The following YIPF2 variants were observed in gnomAD, a reference collection of about 807,000 sequenced individuals.
The protein encoded by YIPF2 is Yip1 domain family member 2.
A neutral mutation model predicts 38.8 loss-of-function variants in YIPF2; 30 were observed. The ratio of observed to expected loss-of-function variants is 0.77; its 90% CI spans 0.58 to 1.05. YIPF2 has a LOEUF of 1.05. YIPF2 is among the 50% of genes least tolerant of loss of function. The pLI, the probability that YIPF2 is intolerant of heterozygous loss-of-function variation, is 0.00. For missense variants in YIPF2, 401 were observed against 409.7 expected (o/e 0.98, Z 0.18); for synonymous variants, 194 against 183.8 (o/e 1.06, Z -0.45).
intron 4 of YIPF2, among the ~76,000 whole-genome samples, chr19:10,926,152 C>T (rs916742159): frequency 4.0e-5 from 6 of 151,714 alleles, no homozygotes; most frequent in African/African-American, 1.5e-4. Context: ...CTCAGGTAAT[C>T]CACCCACCTC....
In YIPF2 at chr19:10,923,149, G is replaced by C; in HGVS notation, c.*45C>G. 1.3e-6 allele frequency: 1 copy of C among 741,810 alleles called. No homozygotes were observed. Among genetic ancestry groups the C allele is most frequent in the South Asian group, 2.1e-5 (1 of 46,692 alleles). The allele number at this position is 741,810 out of a possible 1,614,324, so 46.0% of individuals were successfully genotyped here. The stretch of plus-strand genomic sequence containing the variant: ...CATCGTCTGGGGGGCAGGACAGGCA[G>C]AGGGGTTGGTCCACTTAGGTGTTGC... On this transcript the variant is annotated 3_prime_UTR_variant, in exon 10 of 10. Coordinates refer to ENST00000586748, the MANE Select transcript of YIPF2 (RefSeq NM_001321439.2).
In YIPF2 at chr19:10,927,974, T is replaced by C. The variant is rs1450952341; in HGVS notation, c.32-15A>G. On this transcript the variant is annotated splice_polypyrimidine_tract_variant and intron_variant, in intron 2 of 9. Transcript: ENST00000586748. ...CTCCTCGAATTCTGTGGAGGAGGTA[T>C]ATGGGACACACGCACGTTTGAGGGG... 58 of 1,591,888 alleles carry C rather than the reference T, an allele frequency of 3.6e-5. No homozygotes were observed. In the East Asian group the frequency reaches 1.3e-3, roughly 35 times the overall value.
Position 10,923,601 on chromosome 19 carries a change from A to T in YIPF2, c.728T>A (p.Leu243Gln), listed in dbSNP as rs1429081637. 1 of 1,612,934 alleles carries T rather than the reference A, an allele frequency of 6.2e-7. No homozygotes were observed. Among genetic ancestry groups the T allele is most frequent in the Non-Finnish European group, 8.5e-7 (1 of 1,179,718 alleles). Residue 243 changes from leucine to glutamine, a missense_variant, in exon 8 of 10, where the codon CTG becomes CAG. Coordinates refer to ENST00000586748, the MANE Select transcript of YIPF2 (RefSeq NM_001321439.2). ...GACCACGGGCCAGAGGGTGAATACC[A>T]GCCCGGCGGCTGACAGGCCCAGGGC... ...ALALGLSAAG[L>Q]VFTLWPVVRE...
At chr19:10,927,256 G>A (rs61347911) in intron 4 of YIPF2, among the ~76,000 whole-genome samples, 5,608 of 152,160 alleles carry the variant, frequency 0.037, 461 homozygotes, top group East Asian at 0.36. Flanking sequence ...TGCCCACCTC[G>A]GCCCCCTTAA....
rs149658914 is a variant in YIPF2 at position 10,925,663 on chromosome 19, A to G, written c.367+23T>C. On this transcript the variant is annotated intron_variant, in intron 5 of 9. Coordinates refer to ENST00000586748, the MANE Select transcript of YIPF2 (RefSeq NM_001321439.2). The stretch of plus-strand genomic sequence containing the variant: ...CACTTGTTGAGTGATCCATCAAGGA[A>G]CCAAATGCACAACCTCACTCACCAT... The G allele has an allele frequency of 5.8e-4, 943 of 1,613,658 alleles. 9 individuals carry two copies. The Middle Eastern group carries it at 5.9e-3, about 10-fold the overall frequency.
At chr19:10,925,442 C>T (rs1353796237) in intron 5 of YIPF2, among the ~76,000 whole-genome samples, 1 of 152,074 alleles carries the variant, frequency 6.6e-6, no homozygotes, top group African/African-American at 2.4e-5. Context: ...GGCTCATTCC[C>T]TCACCCTCCT....
Position 10,923,574 on chromosome 19 carries a change from C to A in YIPF2, c.755G>T (p.Arg252Leu), listed in dbSNP as rs576772132. The change falls in exon 8 of 10, where the codon CGT becomes CTT. Residue 252 changes from arginine (R) to leucine (L), a missense_variant. Arg to Leu is a moderately radical substitution (Grantham distance 102). Transcript: ENST00000586748. The part of the protein sequence containing the change: ...GLVFTLWPVV[R>L]EDTRLVATVL... The stretch of plus-strand genomic sequence containing the variant: ...TGTGGCCACCAGCCTGGTGTCCTCA[C>A]GGACCACGGGCCAGAGGGTGAATAC... The A allele has an allele frequency of 6.2e-7, 1 of 1,612,618 alleles. No homozygotes were observed. Among genetic ancestry groups the A allele is most frequent in the African/African-American group, 1.3e-5 (1 of 74,916 alleles).
chr19:10,923,600 C>T lies in YIPF2; in HGVS notation c.729G>A (p.Leu243=). The change falls in exon 8 of 10, where the codon CTG becomes CTA. Residue 243 remains leucine (L), a synonymous_variant. Coordinates refer to ENST00000586748, the MANE Select transcript of YIPF2 (RefSeq NM_001321439.2). ...GGACCACGGGCCAGAGGGTGAATACCAGCCCGGCGGCTGACAGGCCCAGGG... is the reference window on the plus strand; with the variant it reads ...GGACCACGGGCCAGAGGGTGAATACTAGCCCGGCGGCTGACAGGCCCAGGG... ...ALALGLSAAG[L]VFTLWPVVRE... is the part of the protein sequence containing the mutation. 2 of 1,613,024 alleles carry T rather than the reference C, an allele frequency of 1.2e-6. No homozygotes were observed. Among genetic ancestry groups the T allele is most frequent in the African/African-American group, 1.3e-5 (1 of 75,038 alleles).
At chr19:10,925,905 CTTTT>C (rs1164644174) in intron 4 of YIPF2, 132 bp from the exon 5 acceptor site, 2,627 of 429,292 alleles carry the variant, frequency 6.1e-3, no homozygotes, top group Middle Eastern at 0.011. Context: ...CTTTCCCTCT[CTTTT>C]TTTTTTTTTT....
At chr19:10,927,213 T>G (rs2083439530) in intron 4 of YIPF2, among the ~76,000 whole-genome samples, 1 of 152,150 alleles carries the variant, frequency 6.6e-6, no homozygotes, top group South Asian at 2.1e-4. Context: ...TTCCCCATGT[T>G]AGCCAGGCTG....
rs920213528 is a variant in YIPF2, at chr19:10,928,602, G to A, written c.-122C>T. On this transcript the variant is annotated 5_prime_UTR_variant, in exon 1 of 10. Coordinates refer to ENST00000586748, the MANE Select transcript of YIPF2 (RefSeq NM_001321439.2). ...CCCCTCACCTGAGGCCACCTGGGCC[G>A]GCGTGGCTGGGGCTCTCTGCGCCTG... 10 of 911,776 alleles carry A rather than the reference G, an allele frequency of 1.1e-5. No individual in the cohort carries two copies. In the African/African-American group the frequency reaches 1.6e-4, roughly 15 times the overall value. 56.5% of individuals were successfully genotyped at this position (911,776 alleles called of 1,614,324 possible). A position where few individuals can be genotyped will look rare whatever the true frequency, so the allele number is the denominator to read the frequency against.
chr19:10,926,228 CT>C (rs900323730), intron 4 of YIPF2, among the ~76,000 whole-genome samples: 2,172 of 135,334 alleles, frequency 0.016, 38 homozygotes, highest in African/African-American at 0.054. Flanking sequence ...TTTTTTCCCT[CT>C]TTTTTTTTTT....
rs760010156 is a variant in YIPF2, at chr19:10,923,505, A to G, written c.824T>C (p.Met275Thr). The G allele has an allele frequency of 1.1e-5, 18 of 1,612,672 alleles. No individual in the cohort carries two copies. The highest frequency in any genetic ancestry group is 1.4e-5 in the Non-Finnish European group (17 of 1,179,662). ...ACCCCAGACCCGTACCTTACAGCCC[A>G]TGGCCAGGAGGGCGTGGAGCAGCAC... Reference protein sequence around the residue: ...VVVLLHALLAMGCKLYFFQSL... With the variant: ...VVVLLHALLATGCKLYFFQSL... The change falls in exon 8 of 10, where the codon ATG becomes ACG. Residue 275 changes from methionine to threonine, a missense_variant. Met to Thr is a moderately conservative substitution (Grantham distance 81). Transcript: ENST00000586748.
At chr19:10,925,900 C>CCT in intron 4 of YIPF2, 127 bp from the exon 5 acceptor site, 1 of 797,618 alleles carries the variant, frequency 1.3e-6, no homozygotes. Flanking sequence ...TCAGCCTTTC[C>CCT]CTCTCTTTTT....
At chr19:10,927,195 G>T (rs964227167) in intron 4 of YIPF2, among the ~76,000 whole-genome samples, 5 of 152,118 alleles carry the variant, frequency 3.3e-5, no homozygotes, top group Non-Finnish European at 4.4e-5. Flanking sequence ...TTTTGGTAGA[G>T]ACGGGGTTTC....
intron 4 of YIPF2, among the ~76,000 whole-genome samples, chr19:10,926,313 G>A (rs536672677): frequency 4.4e-4 from 67 of 151,016 alleles, no homozygotes; most frequent in Middle Eastern, 6.8e-3. Context: ...TGCAAGCTCC[G>A]CCTCCTGGGT....
At chr19:10,923,467 C>T in intron 8 of YIPF2, 28 bp downstream of exon 8, 2 of 1,612,880 alleles carry the variant, frequency 1.2e-6, no homozygotes, top group Non-Finnish European at 1.7e-6. Flanking sequence ...GCCCCTCGGC[C>T]CCACCTGTGG....
intron 4 of YIPF2, among the ~76,000 whole-genome samples, chr19:10,926,428 G>A (rs142129027): frequency 0.025 from 3,838 of 150,760 alleles, 64 homozygotes; most frequent in South Asian, 0.047. Context: ...GGGTTTCACC[G>A]TGTTAGCCAG....
rs1306116788 is a variant in YIPF2 at position 10,922,823 on chromosome 19, ACT to A, written c.*369_*370del. 6.5e-6 allele frequency: 1 copy of A among 154,390 alleles called. No individual in the cohort carries two copies. The highest frequency in any genetic ancestry group is 6.5e-5 in the Admixed American group (1 of 15,346). 9.6% of individuals were successfully genotyped at this position (154,390 alleles called of 1,614,324 possible). On this transcript the variant is annotated 3_prime_UTR_variant, in exon 10 of 10. Coordinates refer to ENST00000586748, the MANE Select transcript of YIPF2 (RefSeq NM_001321439.2). Reference sequence around the variant, plus strand: ...GCTCCCCTGTTTCTCATACCCCCAAACTCAGATGCTGGAGCTCAGGCCCGCCG... The same window carrying A: ...GCTCCCCTGTTTCTCATACCCCCAAACAGATGCTGGAGCTCAGGCCCGCCG...
Sources: allele counts gnomAD v4.1 joint callset (sites outside exome capture counted in the v4.1 genomes callset), GRCh38; gene constraint gnomAD v4.1.1; transcripts MANE v1.5; gene names NCBI Gene and HGNC (gene_info 2026-07-23, HGNC 2026-07-21).